Variants in LYZL4 observed in about 807,000 individuals in gnomAD.
LYZL4 encodes the protein lysozyme-like protein 4.
LYZL4 carries 13 observed loss-of-function variants against 17.6 expected under a neutral mutation model. That is an observed-to-expected ratio of 0.74 (90% confidence interval 0.48 to 1.18). LYZL4 has a LOEUF of 1.18. Among genes scored for constraint, LYZL4 ranks in the 50% most tolerant of loss-of-function variants. LYZL4 has a pLI of 0.00. For missense variants in LYZL4, 174 were observed against 188.2 expected (o/e 0.92, Z 0.44); for synonymous variants, 64 against 67.7 (o/e 0.95, Z 0.27).
intron 4 of LYZL4, among the ~76,000 whole-genome samples, chr3:42,402,855 C>T (rs1577154445): frequency 1.3e-5 from 2 of 152,074 alleles, no homozygotes; most frequent in African/African-American, 4.8e-5. Context: ...TACCAAATGC[C>T]CACAAATAGA....
the LYZL4 span, among the ~76,000 whole-genome samples, chr3:42,377,615 G>A: frequency 8.6e-5 from 12 of 138,764 alleles, no homozygotes; most frequent in Non-Finnish European, 1.2e-4. Context: ...ATTAAGTGAT[G>A]CATGACTCTC....
the LYZL4 span, among the ~76,000 whole-genome samples, chr3:42,373,837 C>A: frequency 6.6e-6 from 1 of 152,048 alleles, no homozygotes; most frequent in Non-Finnish European, 1.5e-5. Context: ...GTTTGAATTT[C>A]AATGGATTAC....
chr3:42,382,592 T>C, the LYZL4 span, among the ~76,000 whole-genome samples: 2 of 151,932 alleles, frequency 1.3e-5, no homozygotes, highest in East Asian at 3.9e-4. Flanking sequence ...CCAATTTCTC[T>C]ACTGATTGCC....
chr3:42,364,436 G>A, the LYZL4 span, among the ~76,000 whole-genome samples: 2 of 146,856 alleles, frequency 1.4e-5, no homozygotes, highest in East Asian at 4.1e-4. Context: ...TCTGCCTCCT[G>A]GGTTCAAGTG....
the LYZL4 span, among the ~76,000 whole-genome samples, chr3:42,383,086 C>T: frequency 6.6e-6 from 1 of 152,192 alleles, no homozygotes; most frequent in African/African-American, 2.4e-5. Flanking sequence ...AACTATCATT[C>T]AGTTATCTGA....
the LYZL4 span, among the ~76,000 whole-genome samples, chr3:42,376,810 G>T: frequency 1.3e-5 from 2 of 152,230 alleles, no homozygotes; most frequent in Non-Finnish European, 2.9e-5. Context: ...AGGTCCCCAT[G>T]AGGCACCAGC....
chr3:42,381,581 T>C, the LYZL4 span, among the ~76,000 whole-genome samples: 1 of 152,050 alleles, frequency 6.6e-6, no homozygotes, highest in South Asian at 2.1e-4. Flanking sequence ...GGAGCAAGAA[T>C]TTACCACCGA....
At chr3:42,383,631 A>C in the LYZL4 span, among the ~76,000 whole-genome samples, 1 of 152,098 alleles carries the variant, frequency 6.6e-6, no homozygotes, top group East Asian at 1.9e-4. Context: ...TGCCAGAAGA[A>C]ACTAACAAAA....
At chr3:42,376,274 A>T in the LYZL4 span, among the ~76,000 whole-genome samples, 425 of 152,300 alleles carry the variant, frequency 2.8e-3, 3 homozygotes, top group African/African-American at 9.9e-3. Flanking sequence ...CTGACCAGGG[A>T]AGCCTGAAGG....
chr3:42,393,495 C>T (rs985659581), downstream of LYZL4, among the ~76,000 whole-genome samples: 1 of 152,166 alleles, frequency 6.6e-6, no homozygotes, highest in Non-Finnish European at 1.5e-5. Context: ...CTCAACATCA[C>T]CACTGTGTAG....
chr3:42,409,539 T>TC (rs1444083243), intron 1 of LYZL4, among the ~76,000 whole-genome samples: 1 of 152,136 alleles, frequency 6.6e-6, no homozygotes, highest in Admixed American at 6.5e-5. Context: ...TCCTCCCCTC[T>TC]CCCCCAGAAG....
the LYZL4 span, among the ~76,000 whole-genome samples, chr3:42,390,708 C>T: frequency 1.3e-5 from 2 of 152,160 alleles, no homozygotes; most frequent in African/African-American, 4.8e-5. Flanking sequence ...TGGCTTTACC[C>T]ATTGTTATGG....
At chr3:42,376,368 T>G in the LYZL4 span, among the ~76,000 whole-genome samples, 6 of 152,094 alleles carry the variant, frequency 3.9e-5, no homozygotes, top group Non-Finnish European at 7.4e-5. Flanking sequence ...TCACTTTACA[T>G]CAATAGCCCT....
At chr3:42,368,538 C>T in the LYZL4 span, among the ~76,000 whole-genome samples, 2 of 152,036 alleles carry the variant, frequency 1.3e-5, no homozygotes, top group African/African-American at 4.8e-5. Context: ...TCTGAGAATA[C>T]TTATGCATGT....
chr3:42,398,633 A>G (rs1038319398), intron 4 of LYZL4, among the ~76,000 whole-genome samples: 1 of 152,210 alleles, frequency 6.6e-6, no homozygotes, highest in Non-Finnish European at 1.5e-5. Context: ...TTTTATACCA[A>G]AATAAATTCC....
chr3:42,409,959 C>T (rs1368918548), intron 1 of LYZL4, among the ~76,000 whole-genome samples: 3 of 152,202 alleles, frequency 2.0e-5, no homozygotes, highest in Non-Finnish European at 2.9e-5. Context: ...CAATTTCATT[C>T]CCACCACAGG....
intron 4 of LYZL4, among the ~76,000 whole-genome samples, chr3:42,402,136 TAAAA>T (rs61260579): frequency 4.0e-5 from 5 of 124,092 alleles, no homozygotes; most frequent in Non-Finnish European, 3.3e-5. Flanking sequence ...TTGAGAAGGT[TAAAA>T]AAAAAAAAAA....
chr3:42,374,201 G>A, the LYZL4 span, among the ~76,000 whole-genome samples: 2 of 152,142 alleles, frequency 1.3e-5, no homozygotes, highest in Non-Finnish European at 2.9e-5. Flanking sequence ...GAAAGCTCAG[G>A]AATTAAGGTG....
At chr3:42,381,459 C>T in the LYZL4 span, among the ~76,000 whole-genome samples, 10 of 152,066 alleles carry the variant, frequency 6.6e-5, no homozygotes, top group African/African-American at 9.7e-5. Flanking sequence ...TATTCTTTGC[C>T]GGCTGTGTAA....
Sources: gnomAD v4.1 joint callset for allele counts (sites outside exome capture counted in the v4.1 genomes callset) on GRCh38, gnomAD v4.1.1 for gene constraint, MANE v1.5 for transcripts, NCBI Gene and HGNC (gene_info 2026-07-23, HGNC 2026-07-21) for gene names.